KDM2A: variants seen among roughly 807,000 people sequenced by gnomAD.
KDM2A encodes lysine demethylase 2A.
A neutral mutation model predicts 137.3 loss-of-function variants in KDM2A; 3 were observed. That is an observed-to-expected ratio of 0.02 (90% confidence interval 0.01 to 0.06). The LOEUF is 0.06. Ranked by LOEUF, KDM2A falls within the 10% of genes least tolerant of loss-of-function variation. The probability of loss-of-function intolerance (pLI) is 1.00; values close to 1 mark genes in which losing one functional copy is unlikely to be tolerated. For synonymous variants in KDM2A, 512 were observed against 541.5 expected (o/e 0.95, Z 0.76); for missense variants, 738 against 1,510.6 (o/e 0.49, Z 8.48).
intron 10 of KDM2A, among the ~76,000 whole-genome samples, chr11:67,224,468 T>TC (rs1858470398): frequency 7.3e-6 from 1 of 136,394 alleles, no homozygotes; most frequent in African/African-American, 2.8e-5. Context: ...TTTCTTTTTT[T>TC]TTTTTTTTTT....
rs1350135562 is a variant in KDM2A at position 67,120,018 on chromosome 11, A to T, written c.-115A>T. The stretch of plus-strand genomic sequence containing the variant: ...TCAGCTTTGGAATCTTTTACTTCTC[A>T]CTTGGACAAGAACTCAAGAGCAGAA... On this transcript the variant is annotated 5_prime_UTR_variant, in exon 1 of 21. Coordinates refer to ENST00000529006, the MANE Select transcript of KDM2A (RefSeq NM_012308.3). 2 of 152,274 alleles carry T rather than the reference A, an allele frequency of 1.3e-5. No individual in the cohort carries two copies. The highest frequency in any genetic ancestry group is 4.8e-5 in the African/African-American group (2 of 41,406). 9.4% of individuals were successfully genotyped at this position (152,274 alleles called of 1,614,324 possible).
intron 2 of KDM2A, among the ~76,000 whole-genome samples, chr11:67,168,582 T>TAATACACACACATACAC (rs879358615): frequency 2.9e-5 from 1 of 33,984 alleles, no homozygotes; most frequent in South Asian, 1.2e-3. Flanking sequence ...GTATGAATTA[T>TAATACACACACATACAC]ACACACACAC....
At chr11:67,151,729 GTAT>G (rs1326821724) in intron 2 of KDM2A, among the ~76,000 whole-genome samples, 1 of 152,044 alleles carries the variant, frequency 6.6e-6, no homozygotes, top group African/African-American at 2.4e-5. Flanking sequence ...TATTGGAATG[GTAT>G]TATTATTATT....
rs755021636 is a variant in KDM2A at position 67,251,074 on chromosome 11, G to A, written c.2768+276G>A. Among the ~76,000 whole-genome samples, 5 of 152,102 alleles carry A rather than the reference G, an allele frequency of 3.3e-5. No individual in the cohort carries two copies. The South Asian group carries it at 8.3e-4, about 25-fold the overall frequency. ...GGAGACTGATTTGCGGGATAGATTTGTAGTCTGTGATAAAACTTGAGAGTC... is the reference window on the plus strand; with the variant it reads ...GGAGACTGATTTGCGGGATAGATTTATAGTCTGTGATAAAACTTGAGAGTC... On this transcript the variant is annotated intron_variant, in intron 17 of 20. Coordinates refer to ENST00000529006, the MANE Select transcript of KDM2A (RefSeq NM_012308.3).
chr11:67,208,085 G>A (rs531791797), intron 6 of KDM2A, among the ~76,000 whole-genome samples: 1 of 152,080 alleles, frequency 6.6e-6, no homozygotes, highest in African/African-American at 2.4e-5. Context: ...ATAACTTTTT[G>A]CACATATCAA....
intron 6 of KDM2A, among the ~76,000 whole-genome samples, chr11:67,212,198 A>G (rs1858016228): frequency 6.6e-6 from 1 of 152,178 alleles, no homozygotes; most frequent in African/African-American, 2.4e-5. Context: ...TAATTTAGAA[A>G]CTATAGGAGA....
At chr11:67,217,947 T>A in intron 9 of KDM2A, 63 bp downstream of exon 9, 1 of 1,383,754 alleles carries the variant, frequency 7.2e-7, no homozygotes, top group Non-Finnish European at 9.8e-7. Context: ...AAGAAATTGA[T>A]GGATTACCAC....
At chr11:67,217,477 C>T in intron 8 of KDM2A, 1 of 472,868 alleles carries the variant, frequency 2.1e-6, no homozygotes, top group Non-Finnish European at 3.8e-6. Flanking sequence ...AATGGTCCCT[C>T]TTCTCTCCGA....
intron 10 of KDM2A, among the ~76,000 whole-genome samples, chr11:67,223,450 T>TGGAGTGCAGTAGCATGATCTCAGCTG (rs1347242793): frequency 6.6e-6 from 1 of 152,076 alleles, no homozygotes; most frequent in East Asian, 1.9e-4. Context: ...TCACCCAGGC[T>TGGAGTGCAGTAGCATGATCTCAGCTG]GGAGTGCAGT....
intron 2 of KDM2A, among the ~76,000 whole-genome samples, chr11:67,134,913 A>AT (rs1855938096): frequency 6.6e-6 from 1 of 152,080 alleles, no homozygotes; most frequent in Non-Finnish European, 1.5e-5. Flanking sequence ...CTGTTGTTGA[A>AT]TTTTCACAAA....
chr11:67,141,501 C>G (rs1484370475), intron 2 of KDM2A, among the ~76,000 whole-genome samples: 4 of 151,224 alleles, frequency 2.6e-5, no homozygotes, highest in Non-Finnish European at 5.9e-5. Flanking sequence ...CCCGTCTCTA[C>G]TAAAAAATAC....
intron 2 of KDM2A, among the ~76,000 whole-genome samples, chr11:67,168,221 A>T (rs1188080554): frequency 6.6e-6 from 1 of 152,146 alleles, no homozygotes; most frequent in African/African-American, 2.4e-5. Flanking sequence ...GGAGCAACAC[A>T]GTCTGTATCT....
intron 2 of KDM2A, among the ~76,000 whole-genome samples, chr11:67,145,966 T>A (rs1015234576): frequency 6.6e-6 from 1 of 151,520 alleles, no homozygotes; most frequent in Admixed American, 6.6e-5. Context: ...ATAAAATGCC[T>A]GTTCTTCCCG....
At chr11:67,242,156 T>C (rs576152961) in intron 12 of KDM2A, among the ~76,000 whole-genome samples, 3 of 152,330 alleles carry the variant, frequency 2.0e-5, no homozygotes, top group African/African-American at 7.2e-5. Flanking sequence ...TTTCTCACTG[T>C]AGCATTGTTC....
chr11:67,206,082 T>C (rs577042189), intron 5 of KDM2A, among the ~76,000 whole-genome samples: 1 of 152,340 alleles, frequency 6.6e-6, no homozygotes, highest in South Asian at 2.1e-4. Flanking sequence ...CCACAAGATA[T>C]TAATGTTCAG....
intron 12 of KDM2A, among the ~76,000 whole-genome samples, chr11:67,237,688 C>T (rs1858911230): frequency 1.3e-5 from 2 of 151,854 alleles, no homozygotes; most frequent in Admixed American, 6.6e-5. Context: ...TAGCTCATGC[C>T]TATAATTCCA....
intron 2 of KDM2A, among the ~76,000 whole-genome samples, chr11:67,128,926 G>A (rs546614970): frequency 5.9e-4 from 90 of 152,342 alleles, no homozygotes; most frequent in African/African-American, 2.1e-3. Flanking sequence ...AGCCACTAGA[G>A]TGGAGGAGGG....
chr11:67,185,655 T>C (rs1857185726), intron 5 of KDM2A, among the ~76,000 whole-genome samples: 1 of 151,774 alleles, frequency 6.6e-6, no homozygotes, highest in Non-Finnish European at 1.5e-5. Flanking sequence ...AAAAAAAAGT[T>C]ATCCCTTCCA....
chr11:67,213,989 A>G (rs917996895), intron 6 of KDM2A, among the ~76,000 whole-genome samples: 1 of 151,894 alleles, frequency 6.6e-6, no homozygotes, highest in African/African-American at 2.4e-5. Flanking sequence ...TAGCCTCACA[A>G]GTAGCTAGGA....
Sources: gnomAD v4.1 joint callset for allele counts (sites outside exome capture counted in the v4.1 genomes callset) on GRCh38, gnomAD v4.1.1 for gene constraint, MANE v1.5 for transcripts, NCBI Gene and HGNC (gene_info 2026-07-23, HGNC 2026-07-21) for gene names.